The following ARHGEF38 variants were observed in gnomAD, a reference collection of about 807,000 sequenced individuals.
ARHGEF38 encodes Rho guanine nucleotide exchange factor 38, also known as Rho guanine nucleotide exchange factor (GEF) 38.
A neutral mutation model predicts 79.9 loss-of-function variants in ARHGEF38; 79 were observed. That is an observed-to-expected ratio of 0.99 (90% CI 0.82 to 1.19). The LOEUF (loss-of-function observed/expected upper bound fraction) is 1.19. ARHGEF38 is among the 50% of genes most tolerant of loss of function. ARHGEF38 has a pLI of 0.00. For missense variants in ARHGEF38, 962 were observed against 907.2 expected, an observed-to-expected ratio of 1.06 and a Z score of -0.78; for synonymous variants, 366 against 328.3, an observed-to-expected ratio of 1.11 and a Z score of -1.24.
At chr4:105,561,430 GAATA>G (rs1725549363) in intron 1 of ARHGEF38, among the ~76,000 whole-genome samples, 4 of 57,300 alleles carry the variant, frequency 7.0e-5, no homozygotes, top group South Asian at 5.4e-4. Flanking sequence ...GAATGGAATA[GAATA>G]GAATAGAATA....
At chr4:105,616,115 G>C (rs1209580976) in intron 3 of ARHGEF38, among the ~76,000 whole-genome samples, 5 of 152,180 alleles carry the variant, frequency 3.3e-5, no homozygotes, top group Non-Finnish European at 7.3e-5. Context: ...AATAGGGCCT[G>C]AGAAATCATG....
intron 1 of ARHGEF38, among the ~76,000 whole-genome samples, chr4:105,583,855 A>T (rs1726910435): frequency 6.6e-6 from 1 of 152,084 alleles, no homozygotes; most frequent in Admixed American, 6.5e-5. Context: ...TTGTTAAGGG[A>T]TGCTATTTTT....
intron 4 of ARHGEF38, among the ~76,000 whole-genome samples, chr4:105,631,999 ACT>A (rs547474958): frequency 7.7e-4 from 117 of 151,960 alleles, no homozygotes; most frequent in African/African-American, 2.8e-3. Flanking sequence ...TCCCCCGTTT[ACT>A]CTGTGTGATA....
intron 5 of ARHGEF38, among the ~76,000 whole-genome samples, chr4:105,641,815 C>G (rs1396604791): frequency 2.0e-5 from 3 of 151,812 alleles, no homozygotes; most frequent in Non-Finnish European, 4.4e-5. Flanking sequence ...ATATGAAACT[C>G]TGCAGCAAAA....
chr4:105,646,793 G>A (rs1729860235), intron 6 of ARHGEF38, among the ~76,000 whole-genome samples: 2 of 151,320 alleles, frequency 1.3e-5, no homozygotes, highest in South Asian at 4.2e-4. Context: ...AAAAAAGTAG[G>A]TGTATCAATG....
At chr4:105,587,056 T>C (rs553273684) in intron 1 of ARHGEF38, among the ~76,000 whole-genome samples, 6 of 152,204 alleles carry the variant, frequency 3.9e-5, no homozygotes, top group Non-Finnish European at 7.3e-5. Flanking sequence ...CTCTTTCATA[T>C]CCAAAATAAT....
At chr4:105,567,606 G>GA (rs371478751) in intron 1 of ARHGEF38, among the ~76,000 whole-genome samples, 1 of 152,252 alleles carries the variant, frequency 6.6e-6, no homozygotes, top group East Asian at 1.9e-4. Flanking sequence ...GGAGATAATG[G>GA]AAAATGTTGA....
At chr4:105,575,861 A>G (rs982450550) in intron 1 of ARHGEF38, among the ~76,000 whole-genome samples, 1 of 152,090 alleles carries the variant, frequency 6.6e-6, no homozygotes, top group Non-Finnish European at 1.5e-5. Context: ...TCATTCTTCT[A>G]CATGTGGATA....
chr4:105,654,147 C>A lies in ARHGEF38; in HGVS notation c.1091C>A (p.Ser364Ter). ...KTVRLCVKNISLCLQHIQDAM... is the reference protein window; with the variant it reads ...KTVRLCVKNI Reference sequence around the variant, plus strand: ...GTGAGGCTTTGTGTGAAGAACATTTCACTCTGTCTTCAACACATACAGGTA... The same window carrying A: ...GTGAGGCTTTGTGTGAAGAACATTTAACTCTGTCTTCAACACATACAGGTA... Residue 364 changes from serine to a stop codon, truncating the protein, a stop_gained, in exon 8 of 14, where the codon TCA (serine) becomes TAA (stop). Coordinates refer to ENST00000420470, the MANE Select transcript of ARHGEF38 (RefSeq NM_001242729.2). LOFTEE classifies it high-confidence loss of function. 1 of 1,511,074 alleles carries A rather than the reference C, an allele frequency of 6.6e-7. No individual in the cohort carries two copies. The highest frequency in any genetic ancestry group is 8.8e-7 in the Non-Finnish European group (1 of 1,130,210). 93.6% of individuals were successfully genotyped at this position (1,511,074 alleles called of 1,614,324 possible).
chr4:105,648,377 A>C (rs367678162), intron 6 of ARHGEF38, among the ~76,000 whole-genome samples, 172 bp from the exon 7 acceptor site: 399 of 152,144 alleles, frequency 2.6e-3, no homozygotes, highest in African/African-American at 9.2e-3. Flanking sequence ...TGGGTGCCTG[A>C]CTGGGACATG....
chr4:105,677,786 G>A lies in ARHGEF38; in HGVS notation c.2183G>A (p.Ser728Asn), dbSNP rs1180347761. The A allele has an allele frequency of 7.2e-6, 11 of 1,522,446 alleles. No individual in the cohort carries two copies. The Admixed American group carries it at 2.2e-4, about 30-fold the overall frequency. 94.3% of individuals were successfully genotyped at this position (1,522,446 alleles called of 1,614,324 possible). A position where few individuals can be genotyped will look rare whatever the true frequency, so the allele number is the denominator to read the frequency against. ...GCAGTTCATGCTTTTCAAGCACGGA[G>A]TGACCATGAACTCAGCCTTCAGGAA... ...FYAVHAFQAR[S>N]DHELSLQEYQ... The change falls in exon 14 of 14, where the codon AGT becomes AAT. Residue 728 changes from serine (S) to asparagine (N), a missense_variant. Transcript: ENST00000420470.
intron 6 of ARHGEF38, among the ~76,000 whole-genome samples, chr4:105,646,294 A>C (rs1304933872): frequency 6.6e-6 from 1 of 152,246 alleles, no homozygotes; most frequent in Non-Finnish European, 1.5e-5. Context: ...GATAGTATAC[A>C]AAGGATCACT....
At chr4:105,664,758 A>T (rs2110573262) in intron 10 of ARHGEF38, among the ~76,000 whole-genome samples, 1 of 152,324 alleles carries the variant, frequency 6.6e-6, no homozygotes, top group Non-Finnish European at 1.5e-5. Context: ...GTACAACAAC[A>T]TCTAGGTTCA....
chr4:105,654,157 T>C lies in ARHGEF38; in HGVS notation c.1101T>C (p.Leu367=). Residue 367 remains leucine (L), a synonymous_variant, in exon 8 of 14, where the codon CTT becomes CTC. Coordinates refer to ENST00000420470, the MANE Select transcript of ARHGEF38 (RefSeq NM_001242729.2). ...RLCVKNISLC[L]QHIQDAMPLA... ...GTGTGAAGAACATTTCACTCTGTCT[T>C]CAACACATACAGGTAGGTGAGACAC... 1.3e-6 allele frequency: 2 copies of C among 1,494,414 alleles called. No individual in the cohort carries two copies. Among genetic ancestry groups the C allele is most frequent in the East Asian group, 2.5e-5 (1 of 40,372 alleles). The allele number at this position is 1,494,414 out of a possible 1,614,324, so 92.6% of individuals were successfully genotyped here.
chr4:105,574,114 T>C (rs1019530231), intron 1 of ARHGEF38, among the ~76,000 whole-genome samples: 3 of 152,212 alleles, frequency 2.0e-5, no homozygotes, highest in Non-Finnish European at 4.4e-5. Flanking sequence ...GTTTTTGGGG[T>C]GAACATTTAG....
intron 1 of ARHGEF38, among the ~76,000 whole-genome samples, chr4:105,586,700 G>T (rs772157026): frequency 1.3e-5 from 2 of 152,078 alleles, no homozygotes; most frequent in Non-Finnish European, 2.9e-5. Flanking sequence ...ATTTTATAAG[G>T]CATAGAAGGT....
At chr4:105,607,643 G>A (rs1300736095) in intron 2 of ARHGEF38, among the ~76,000 whole-genome samples, 3 of 152,038 alleles carry the variant, frequency 2.0e-5, no homozygotes, top group Non-Finnish European at 4.4e-5. Context: ...TGGAAGTGAG[G>A]GAGAAAGAGA....
At chr4:105,610,304 A>T (rs1728237014) in intron 2 of ARHGEF38, among the ~76,000 whole-genome samples, 2 of 152,146 alleles carry the variant, frequency 1.3e-5, no homozygotes, top group South Asian at 4.2e-4. Context: ...CCTGCATGTT[A>T]TGCACATGTA....
chr4:105,565,293 C>G (rs1403652185), intron 1 of ARHGEF38, among the ~76,000 whole-genome samples: 2 of 152,198 alleles, frequency 1.3e-5, no homozygotes, highest in Non-Finnish European at 2.9e-5. Context: ...CAAACCCTGT[C>G]TGACATGCAA....
Sources: allele counts gnomAD v4.1 joint callset (sites outside exome capture counted in the v4.1 genomes callset), GRCh38; gene constraint gnomAD v4.1.1; transcripts MANE v1.5; gene names NCBI Gene and HGNC (gene_info 2026-07-23, HGNC 2026-07-21).